UBR2: variants seen among roughly 807,000 people sequenced by gnomAD.
UBR2 encodes the protein E3 ubiquitin-protein ligase UBR2.
A neutral mutation model predicts 247.9 loss-of-function variants in UBR2; 92 were observed. The ratio of observed to expected loss-of-function variants is 0.37; its 90% CI spans 0.31 to 0.44. The LOEUF (loss-of-function observed/expected upper bound fraction) is 0.44. Among genes scored for constraint, UBR2 ranks in the 20% least tolerant of loss-of-function variants. The pLI is 1.00. For synonymous variants in UBR2, 672 were observed against 693.5 expected, an observed-to-expected ratio of 0.97 and a Z score of 0.49; for missense variants, 1,613 against 2,112.6, an observed-to-expected ratio of 0.76 and a Z score of 4.64.
chr6:42,681,150 G>A (rs1357032951), intron 42 of UBR2, among the ~76,000 whole-genome samples: 1 of 139,256 alleles, frequency 7.2e-6, no homozygotes, highest in African/African-American at 2.7e-5. Context: ...GGGACAAAGC[G>A]AGACTCCGTC....
intron 11 of UBR2, among the ~76,000 whole-genome samples, chr6:42,624,400 A>G (rs1795204358): frequency 6.7e-6 from 1 of 149,830 alleles, no homozygotes; most frequent in African/African-American, 2.5e-5. Flanking sequence ...TGATCCTTCC[A>G]CCTCGGCCTA....
chr6:42,673,507 G>A (rs1478533221), intron 36 of UBR2, among the ~76,000 whole-genome samples: 1 of 152,154 alleles, frequency 6.6e-6, no homozygotes, highest in Non-Finnish European at 1.5e-5. Flanking sequence ...TCTTGGGAGT[G>A]TCCCTTGCTT....
At chr6:42,625,091 A>G (rs1795253607) in intron 11 of UBR2, among the ~76,000 whole-genome samples, 2 of 152,206 alleles carry the variant, frequency 1.3e-5, no homozygotes, top group African/African-American at 4.8e-5. Context: ...AGTCAATTAT[A>G]TCAGATTTCT....
Position 42,564,407 on chromosome 6 carries a change from G to A in UBR2, c.78+10G>A, listed in dbSNP as rs377327210. The A allele has an allele frequency of 3.7e-6, 6 of 1,606,310 alleles. No individual in the cohort carries two copies. The African/African-American group carries it at 6.7e-5, about 18-fold the overall frequency. ...CGAGGAGATTGCGGGGGTGAGTGCC[G>A]GAACCCGGGCGGGTGCGTCTGCCCC... is the stretch of plus-strand genomic sequence containing the variant. On this transcript the variant is annotated intron_variant, in intron 1 of 46. Coordinates refer to ENST00000372901, the MANE Select transcript of UBR2 (RefSeq NM_001363705.2).
chr6:42,676,064 G>A lies in UBR2; in HGVS notation c.4260G>A (p.Leu1420=). 6.2e-7 allele frequency: 1 copy of A among 1,611,566 alleles called. No individual in the cohort carries two copies. Among genetic ancestry groups the A allele is most frequent in the Middle Eastern group, 1.7e-4 (1 of 6,044 alleles). ...CTGTGTTTGGTGCCTAGGTGGGCTTGGTGCTTGCATTTCCTGCGTTGCAGT... is the reference window on the plus strand; with the variant it reads ...CTGTGTTTGGTGCCTAGGTGGGCTTAGTGCTTGCATTTCCTGCGTTGCAGT... ...DIDMFHLLVG[L]VLAFPALQCQ... The change falls in exon 39 of 47, where the codon TTG becomes TTA. Residue 1420 remains leucine (L), a synonymous_variant. Coordinates refer to ENST00000372901, the MANE Select transcript of UBR2 (RefSeq NM_001363705.2).
In UBR2 at chr6:42,632,072, ATAT is replaced by A. The variant is rs1795786492; in HGVS notation, c.1282-479_1282-477del. ...TTGCTTATTTAAAAAAAAAAAAAAT[ATAT>A]ATATATATATATATATGTACACACA... On this transcript the variant is annotated intron_variant, in intron 11 of 46. Transcript: ENST00000372901. Among the ~76,000 whole-genome samples, 134 of 76,042 alleles carry A rather than the reference ATAT, an allele frequency of 1.8e-3. 1 individual carries two copies. Among genetic ancestry groups the A allele is most frequent in the African/African-American group, 3.4e-3 (64 of 18,924 alleles). 49.9% of individuals were successfully genotyped at this position (76,042 alleles called of 152,430 possible). A position where few individuals can be genotyped will look rare whatever the true frequency, so the allele number is the denominator to read the frequency against.
intron 11 of UBR2, among the ~76,000 whole-genome samples, chr6:42,626,701 G>C (rs1795371814): frequency 6.6e-6 from 1 of 152,102 alleles, no homozygotes; most frequent in Non-Finnish European, 1.5e-5. Context: ...CGAGAGCCTG[G>C]AGTTCTTCCC....
rs1448069283 is a variant in UBR2 at position 42,659,971 on chromosome 6, C to CT, written c.3442+119dup. 9.9e-7 allele frequency: 1 copy of CT among 1,014,636 alleles called. No individual in the cohort carries two copies. The highest frequency in any genetic ancestry group is 1.4e-6 in the Non-Finnish European group (1 of 699,622). The allele number at this position is 1,014,636 out of a possible 1,614,324, so 62.9% of individuals were successfully genotyped here. On this transcript the variant is annotated intron_variant, in intron 30 of 46. Transcript: ENST00000372901. The surrounding 1 kb of genome is among the most constrained non-coding windows in gnomAD (Gnocchi z 4.3). ...ATAACTCCATGGACTTGGATGGTAT[C>CT]TTTGGCAGGTAACTTAGGCAGGAAT...
rs776955880 is a variant in UBR2, at chr6:42,676,828, C to T, written c.4433C>T (p.Ser1478Leu). 1.2e-6 allele frequency: 2 copies of T among 1,614,000 alleles called. No homozygotes were observed. Among genetic ancestry groups the T allele is most frequent in the Admixed American group, 1.7e-5 (1 of 60,028 alleles). The change falls in exon 40 of 47, where the codon TCA becomes TTA. Residue 1478 changes from serine to leucine, a missense_variant. Around this residue, in one of 3 missense-constraint regions of UBR2, gnomAD observed 1,524 missense variants for 1,967.3 expected, o/e 0.77. Coordinates refer to ENST00000372901, the MANE Select transcript of UBR2 (RefSeq NM_001363705.2). ...DQENPPCEEE[S>L]AVLALYKTLH... ...GAAAATCCCCCTTGTGAAGAAGAAT[C>T]AGCAGTTCTTGCTTTGTATAAAACA...
At position 42,684,813 on chromosome 6, in the gene UBR2, A is replaced by C; in HGVS notation, c.4795A>C (p.Lys1599Gln). The change falls in exon 44 of 47, where the codon AAA becomes CAA. Residue 1599 changes from lysine (K) to glutamine (Q), a missense_variant. Lys to Gln is a moderately conservative substitution (Grantham distance 53). Transcript: ENST00000372901. Reference sequence around the variant, plus strand: ...TTTCAGATATCCAAGAGAATCTAACAAATTAATAAACCTTCCAGAGGATTA... The same window carrying C: ...TTTCAGATATCCAAGAGAATCTAACCAATTAATAAACCTTCCAGAGGATTA... ...DAIRYPRESN[K>Q]LINLPEDYSS... The C allele has an allele frequency of 3.7e-6, 6 of 1,609,664 alleles. No individual in the cohort carries two copies. Among genetic ancestry groups the C allele is most frequent in the Non-Finnish European group, 5.1e-6 (6 of 1,178,102 alleles).
intron 8 of UBR2, among the ~76,000 whole-genome samples, chr6:42,614,403 C>CATATATAT (rs1491267926): frequency 6.4e-5 from 4 of 62,530 alleles, no homozygotes; most frequent in Admixed American, 1.9e-4. Context: ...TACATACATA[C>CATATATAT]GTATGTATGT....
intron 11 of UBR2, chr6:42,619,863 G>T (rs1794865719): frequency 7.0e-6 from 5 of 716,716 alleles, no homozygotes; most frequent in Non-Finnish European, 8.5e-6. Flanking sequence ...GACCACAGAT[G>T]CATGCCACCA....
In UBR2 at chr6:42,573,816, C is replaced by T; in HGVS notation, c.161C>T (p.Pro54Leu). The T allele has an allele frequency of 6.2e-7, 1 of 1,613,736 alleles. No homozygotes were observed. Among genetic ancestry groups the T allele is most frequent in the East Asian group, 2.2e-5 (1 of 44,844 alleles). ...HYVPKIYCRG[P>L]NPFPQKEDML... The stretch of plus-strand genomic sequence containing the variant: ...GTACCCAAAATCTACTGCAGGGGTC[C>T]CAACCCTTTTCCACAGAAAGAAGAC... Residue 54 changes from proline to leucine, a missense_variant, in exon 2 of 47, where the codon CCC becomes CTC. This residue lies in a region of UBR2 where 1,524 missense variants were observed against 1,967.3 expected (regional missense o/e 0.77). Coordinates refer to ENST00000372901, the MANE Select transcript of UBR2 (RefSeq NM_001363705.2).
At chr6:42,567,716 G>A (rs949433265) in intron 1 of UBR2, among the ~76,000 whole-genome samples, 8 of 151,860 alleles carry the variant, frequency 5.3e-5, no homozygotes, top group African/African-American at 1.9e-4. Flanking sequence ...GTGACAGAGC[G>A]GGACCCCATC....
chr6:42,587,201 GA>G (rs1193748444), intron 2 of UBR2, among the ~76,000 whole-genome samples: 1 of 152,002 alleles, frequency 6.6e-6, no homozygotes, highest in East Asian at 1.9e-4. Context: ...GAAAAGACAG[GA>G]AAAAATATGT....
chr6:42,688,248 C>A lies in UBR2; in HGVS notation c.4886C>A (p.Ala1629Asp), dbSNP rs577089593. ...CPKSGGDKSR[A>D]PTLCLVCGSL... ...AAATCAGGTGGTGATAAGAGCAGAG[C>A]CCCAACTCTGTGCCTTGTGTGCGGA... The change falls in exon 45 of 47, where the codon GCC becomes GAC. Residue 1629 changes from alanine to aspartate, a missense_variant. Physicochemically the swap from Ala to Asp is moderately radical, Grantham distance 126. This residue lies in a region of UBR2 where 1,524 missense variants were observed against 1,967.3 expected (regional missense o/e 0.77). Coordinates refer to ENST00000372901, the MANE Select transcript of UBR2 (RefSeq NM_001363705.2). 16 of 1,614,018 alleles carry A rather than the reference C, an allele frequency of 9.9e-6. No homozygotes were observed. Among genetic ancestry groups the A allele is most frequent in the Non-Finnish European group, 1.4e-5 (16 of 1,180,044 alleles).
intron 14 of UBR2, 36 bp downstream of exon 14, chr6:42,635,582 G>C: frequency 6.3e-7 from 1 of 1,581,450 alleles, no homozygotes; most frequent in South Asian, 1.1e-5. Context: ...TAGGAGGAAA[G>C]TGGAAGAGGG....
In UBR2 at chr6:42,635,433, A is replaced by G. The variant is rs1325367060; in HGVS notation, c.1561A>G (p.Thr521Ala). 4 of 1,613,716 alleles carry G rather than the reference A, an allele frequency of 2.5e-6. No homozygotes were observed. Among genetic ancestry groups the G allele is most frequent in the East Asian group, 2.2e-5 (1 of 44,862 alleles). ...LKCMQGMDPITRQVGQHIEME... is the reference protein window; with the variant it reads ...LKCMQGMDPIARQVGQHIEME... ...TTCCGTTAAGGGAATGGATCCAATT[A>G]CACGTCAAGTAGGACAACATATTGA... is the stretch of plus-strand genomic sequence containing the variant. The change falls in exon 14 of 47, where the codon ACA becomes GCA. Residue 521 changes from threonine (T) to alanine (A), a missense_variant. Thr to Ala is a moderately conservative substitution (Grantham distance 58, BLOSUM62 0). Around this residue, in one of 3 missense-constraint regions of UBR2, gnomAD observed 1,524 missense variants for 1,967.3 expected, o/e 0.77. Transcript: ENST00000372901.
intron 1 of UBR2, among the ~76,000 whole-genome samples, chr6:42,569,833 A>G (rs1443191770): frequency 2.0e-5 from 3 of 152,194 alleles, no homozygotes; most frequent in Admixed American, 2.0e-4. Context: ...TAATAGAGGG[A>G]AAGCTCCTGG....
Sources: allele counts gnomAD v4.1 joint callset (sites outside exome capture counted in the v4.1 genomes callset), GRCh38; gene constraint gnomAD v4.1.1; regional missense constraint gnomAD v4.1.1; non-coding constraint Gnocchi (gnomAD v3.1); transcripts MANE v1.5; gene names NCBI Gene and HGNC (gene_info 2026-07-23, HGNC 2026-07-21).